The following MTG2 variants were observed in gnomAD, a reference collection of about 807,000 sequenced individuals.
MTG2 encodes mitochondrial ribosome associated GTPase 2, also known as mitochondrial ribosome-associated GTPase 2.
Under a neutral mutation model 28.6 loss-of-function variants are expected in MTG2, and 23 were observed. The observed-to-expected ratio is 0.80, with a 90% CI of 0.58 to 1.14. The LOEUF (loss-of-function observed/expected upper bound fraction) is 1.14, where lower values mean the gene tolerates loss of function less well. Among genes scored for constraint, MTG2 ranks in the 50% most tolerant of loss-of-function variants. The probability of loss-of-function intolerance (pLI) is 0.00; values close to 1 mark genes in which losing one functional copy is unlikely to be tolerated. For synonymous variants in MTG2, 260 were observed against 251.8 expected (o/e 1.03, Z -0.31); for missense variants, 539 against 552.0 (o/e 0.98, Z 0.24).
Position 62,193,803 on chromosome 20 carries a change from C to G in MTG2, c.204+179C>G. ...ACGCAGGCCTGCGTGCTAAATCCCACGCTCAGCAAATCCCAGCAGGCTGGG... is the reference window on the plus strand; with the variant it reads ...ACGCAGGCCTGCGTGCTAAATCCCAGGCTCAGCAAATCCCAGCAGGCTGGG... On this transcript the variant is annotated intron_variant, in intron 2 of 6. Transcript: ENST00000370823. The G allele has an allele frequency of 7.8e-6, 5 of 639,262 alleles. No individual in the cohort carries two copies. In the South Asian group the frequency reaches 8.1e-5, roughly 10 times the overall value. The allele number at this position is 639,262 out of a possible 1,614,324, so 39.6% of individuals were successfully genotyped here.
chr20:62,197,348 G>A (rs1025630162), intron 3 of MTG2: 6 of 152,534 alleles, frequency 3.9e-5, no homozygotes, highest in African/African-American at 1.4e-4. Flanking sequence ...AGTGAGCCAA[G>A]ATCATGCCAC....
chr20:62,199,313 G>T, intron 6 of MTG2, 56 bp downstream of exon 6: 1 of 1,567,742 alleles, frequency 6.4e-7, no homozygotes, highest in Non-Finnish European at 8.7e-7. Flanking sequence ...ATTCAGAAAA[G>T]TAATGATGTA....
chr20:62,184,098 C>T (rs756249273), intron 1 of MTG2, among the ~76,000 whole-genome samples: 7 of 152,234 alleles, frequency 4.6e-5, no homozygotes, highest in Non-Finnish European at 1.0e-4. Context: ...GTGGCTCACG[C>T]CTGTAATCCC....
Position 62,203,195 on chromosome 20 carries a change from C to G in MTG2, c.*2118C>G, listed in dbSNP as rs753654360. 9.9e-5 allele frequency: 15 copies of G among 152,132 alleles called. No homozygotes were observed. Among genetic ancestry groups the G allele is most frequent in the Admixed American group, 2.0e-4 (3 of 15,270 alleles). The allele number at this position is 152,132 out of a possible 1,614,324, so 9.4% of individuals were successfully genotyped here. On this transcript the variant is annotated 3_prime_UTR_variant, in exon 7 of 7. Transcript: ENST00000370823. Reference sequence around the variant, plus strand: ...GCTCAAGATGCCTTGTGGCTCGACCCCTGCACGGAGCCCCCAGCCCAGCCT... The same window carrying G: ...GCTCAAGATGCCTTGTGGCTCGACCGCTGCACGGAGCCCCCAGCCCAGCCT...
intron 1 of MTG2, among the ~76,000 whole-genome samples, chr20:62,185,437 AAT>A (rs1568780014): frequency 1.3e-5 from 2 of 148,280 alleles, no homozygotes; most frequent in African/African-American, 2.5e-5. Flanking sequence ...AAAAATAAAA[AAT>A]AAAATATATA....
At chr20:62,198,253 G>T in intron 4 of MTG2, 1 of 519,998 alleles carries the variant, frequency 1.9e-6, no homozygotes, top group Non-Finnish European at 3.5e-6. Context: ...CGCTTCCTCC[G>T]TCTCTGACCC....
rs6062133 is a variant in MTG2 at position 62,193,559 on chromosome 20, G to A, written c.139G>A (p.Gly47Ser). The A allele has an allele frequency of 0.14, 226,746 of 1,613,852 alleles. 17,286 individuals carry two copies. The highest frequency in any genetic ancestry group is 0.15 in the Non-Finnish European group (181,626 of 1,179,994). Residue 47 changes from glycine (G) to serine (S), a missense_variant, in exon 2 of 7, where the codon GGC (glycine) becomes AGC (serine). Physicochemically the swap from Gly to Ser is moderately conservative, Grantham distance 56. Coordinates refer to ENST00000370823, the MANE Select transcript of MTG2 (RefSeq NM_015666.4). ...GGCTTCTCCCAGGCTGCTCTCGGTC[G>A]GCCGTGCGGACCTCGCCAAGCATCA... Reference protein sequence around the residue: ...QRASPRLLSVGRADLAKHQEL... With the variant: ...QRASPRLLSVSRADLAKHQEL...
chr20:62,183,071 C>G lies in MTG2; in HGVS notation c.-6+14C>G, dbSNP rs766282468. 1.3e-5 allele frequency: 2 copies of G among 151,998 alleles called. No individual in the cohort carries two copies. Among genetic ancestry groups the G allele is most frequent in the African/African-American group, 2.4e-5 (1 of 41,362 alleles). 9.4% of individuals were successfully genotyped at this position (151,998 alleles called of 1,614,324 possible). On this transcript the variant is annotated intron_variant, in intron 1 of 6. Coordinates refer to ENST00000370823, the MANE Select transcript of MTG2 (RefSeq NM_015666.4). ...TTTCCCGAGCCGGTGAGTGCGGGAG[C>G]GGGGAGCGGGGAGCGTGGGCCTGGG...
At chr20:62,198,543 TCTTTC>T (rs1222112605) in intron 4 of MTG2, 86 bp from the exon 5 acceptor site, 3 of 1,377,964 alleles carry the variant, frequency 2.2e-6, no homozygotes, top group Non-Finnish European at 3.0e-6. Context: ...GCTCTTGTCT[TCTTTC>T]CTTAGCGCTT....
In MTG2 at chr20:62,201,082, G is replaced by T. The variant is rs769172438; in HGVS notation, c.*5G>T. On this transcript the variant is annotated 3_prime_UTR_variant, in exon 7 of 7. Coordinates refer to ENST00000370823, the MANE Select transcript of MTG2 (RefSeq NM_015666.4). ...CGCCAGCCGCTCAGGTGGTAGCCAC[G>T]CCAGAGCGGGGTCGCCTCTGGGCCT... is the stretch of plus-strand genomic sequence containing the variant. The T allele has an allele frequency of 3.2e-6, 5 of 1,585,602 alleles. No homozygotes were observed. Among genetic ancestry groups the T allele is most frequent in the Non-Finnish European group, 2.6e-6 (3 of 1,167,818 alleles).
At chr20:62,196,672 A>AAAAAC (rs905493146) in intron 3 of MTG2, among the ~76,000 whole-genome samples, 2 of 148,578 alleles carry the variant, frequency 1.3e-5, no homozygotes, top group Non-Finnish European at 3.0e-5. Context: ...CCTATCTCAA[A>AAAAAC]AAAACAAAAC....
At chr20:62,192,159 C>A (rs900614602) in intron 1 of MTG2, among the ~76,000 whole-genome samples, 1 of 152,238 alleles carries the variant, frequency 6.6e-6, no homozygotes, top group Non-Finnish European at 1.5e-5. Context: ...AGTCACCCCC[C>A]ACTTCAGATG....
In MTG2 at chr20:62,202,078, G is replaced by A. The variant is rs1187627524; in HGVS notation, c.*1001G>A. 6.6e-6 allele frequency: 1 copy of A among 152,348 alleles called. No homozygotes were observed. The highest frequency in any genetic ancestry group is 1.5e-5 in the Non-Finnish European group (1 of 68,112). The allele number at this position is 152,348 out of a possible 1,614,324, so 9.4% of individuals were successfully genotyped here. A position where few individuals can be genotyped will look rare whatever the true frequency, so the allele number is the denominator to read the frequency against. On this transcript the variant is annotated 3_prime_UTR_variant, in exon 7 of 7. Transcript: ENST00000370823. ...TTCGCCCCTCAGTGGGATGGCAGCT[G>A]AGGGGGCCCTGCATTTGACCGTCGA...
At position 62,201,253 on chromosome 20, in the gene MTG2, C is replaced by T; in HGVS notation, c.*176C>T. On this transcript the variant is annotated 3_prime_UTR_variant, in exon 7 of 7. Transcript: ENST00000370823. The stretch of plus-strand genomic sequence containing the variant: ...CATGTTGGGAAGCATTCCGTGCCCC[C>T]TACCCCGCCTGCCCTCCGTATTTCC... The T allele has an allele frequency of 1.3e-6, 1 of 742,768 alleles. No homozygotes were observed. The highest frequency in any genetic ancestry group is 2.1e-6 in the Non-Finnish European group (1 of 470,938). 46.0% of individuals were successfully genotyped at this position (742,768 alleles called of 1,614,324 possible).
intron 6 of MTG2, among the ~76,000 whole-genome samples, chr20:62,199,640 C>T (rs1186670285): frequency 8.2e-6 from 1 of 122,676 alleles, no homozygotes; most frequent in East Asian, 2.4e-4. Context: ...AGCGAAACTC[C>T]ATCTCAAAAA....
At position 62,198,799 on chromosome 20, in the gene MTG2, G is replaced by C. The variant is rs767337050; in HGVS notation, c.634G>C (p.Gly212Arg). The part of the protein sequence containing the change: ...APVTCTPGQP[G>R]QQRVLHLELK... ...TGTGACCTGTACCCCTGGACAGCCAGGACAGCAGCGAGTTCTCCACCTGGA... is the reference window on the plus strand; with the variant it reads ...TGTGACCTGTACCCCTGGACAGCCACGACAGCAGCGAGTTCTCCACCTGGA... The change falls in exon 5 of 7, where the codon GGA (glycine) becomes CGA (arginine). Residue 212 changes from glycine (G) to arginine (R), a missense_variant. Coordinates refer to ENST00000370823, the MANE Select transcript of MTG2 (RefSeq NM_015666.4). 6.2e-7 allele frequency: 1 copy of C among 1,614,172 alleles called. No homozygotes were observed. Among genetic ancestry groups the C allele is most frequent in the Non-Finnish European group, 8.5e-7 (1 of 1,180,052 alleles).
At chr20:62,199,098 C>A (rs771720806) in intron 5 of MTG2, 21 bp from the exon 6 acceptor site, 1 of 1,613,042 alleles carries the variant, frequency 6.2e-7, no homozygotes, top group Non-Finnish European at 8.5e-7. Context: ...GCCGTGCCAC[C>A]GTCTTCCCTC....
chr20:62,198,235 G>A (rs1018784522), intron 4 of MTG2: 16 of 524,772 alleles, frequency 3.0e-5, no homozygotes, highest in South Asian at 2.7e-4. Context: ...GGGAGCCCAC[G>A]GCACGGACGC....
At chr20:62,191,108 A>G (rs1248018181) in intron 1 of MTG2, among the ~76,000 whole-genome samples, 1 of 152,154 alleles carries the variant, frequency 6.6e-6, no homozygotes, top group Non-Finnish European at 1.5e-5. Flanking sequence ...AGAGAAAATT[A>G]GAATGACCCC....
Sources: gnomAD v4.1 joint callset for allele counts (sites outside exome capture counted in the v4.1 genomes callset) on GRCh38, gnomAD v4.1.1 for gene constraint, MANE v1.5 for transcripts, NCBI Gene and HGNC (gene_info 2026-07-23, HGNC 2026-07-21) for gene names.